Variants in SLC11A1 observed in about 807,000 individuals in gnomAD.
SLC11A1 encodes the protein solute carrier family 11 member 1.
In SLC11A1, 59 loss-of-function variants were observed where a neutral mutation model predicts 63.2. The observed-to-expected ratio is 0.93, with a 90% CI of 0.76 to 1.16. The LOEUF is 1.16. Ranked by LOEUF, SLC11A1 falls within the 50% of genes most tolerant of loss-of-function variation. The probability of loss-of-function intolerance (pLI) is 0.00; values close to 1 mark genes in which losing one functional copy is unlikely to be tolerated. For missense variants in SLC11A1, 688 were observed against 730.7 expected, an observed-to-expected ratio of 0.94 and a Z score of 0.67; for synonymous variants, 305 against 307.8, an observed-to-expected ratio of 0.99 and a Z score of 0.09.
chr2:218,382,485 C>A, intron 1 of SLC11A1, 110 bp downstream of exon 1: 2 of 1,188,832 alleles, frequency 1.7e-6, no homozygotes, highest in East Asian at 4.8e-5. Context: ...CCTGTGGAAG[C>A]CTCTGGTCCC....
chr2:218,394,120 C>T lies in SLC11A1; in HGVS notation c.1315C>T (p.Leu439Phe). The change falls in exon 13 of 15, where the codon CTC (leucine) becomes TTC (phenylalanine). Residue 439 changes from leucine to phenylalanine, a missense_variant and splice_region_variant. Leu to Phe is a conservative substitution (Grantham distance 22, BLOSUM62 0). Coordinates refer to ENST00000233202, the MANE Select transcript of SLC11A1 (RefSeq NM_000578.4). ...DLLNVLQSLL[L>F]PFAVLPILTF... ...CCTAGGCTCCTGCTGCTCTCCCCAG[C>T]TCCCGTTCGCCGTGCTGCCCATCCT... 1 of 1,614,082 alleles carries T rather than the reference C, an allele frequency of 6.2e-7. No individual in the cohort carries two copies. The highest frequency in any genetic ancestry group is 1.7e-4 in the Middle Eastern group (1 of 6,060).
intron 6 of SLC11A1, 33 bp from the exon 7 acceptor site, chr2:218,387,532 T>C: frequency 1.2e-6 from 2 of 1,609,952 alleles, no homozygotes; most frequent in Non-Finnish European, 1.7e-6. Context: ...TTTTTTTCGT[T>C]GGTTTGTTTA....
rs1334941433 is a variant in SLC11A1 at position 218,387,605 on chromosome 2, C to T, written c.612C>T (p.Thr204=). ...AAGCTTTTTTTGGACTCCTTATAACCATTATGGCCTTGACCTTTGGCTATG... is the reference window on the plus strand; with the variant it reads ...AAGCTTTTTTTGGACTCCTTATAACTATTATGGCCTTGACCTTTGGCTATG... The part of the protein sequence containing the change: ...KLEAFFGLLI[T]IMALTFGYEY... Residue 204 remains threonine (T), a synonymous_variant, in exon 7 of 15, where the codon ACC becomes ACT. Coordinates refer to ENST00000233202, the MANE Select transcript of SLC11A1 (RefSeq NM_000578.4). 1 of 1,614,076 alleles carries T rather than the reference C, an allele frequency of 6.2e-7. No homozygotes were observed. The highest frequency in any genetic ancestry group is 1.3e-5 in the African/African-American group (1 of 74,924).
At position 218,395,725 on chromosome 2, in the gene SLC11A1, A is replaced by AT. The variant is rs1696720995; in HGVS notation, c.*692dup. ...ATCTCCGTCTCCCAAAGTGCTGGGA[A>AT]TTACAGGCGTGAGCCACCAAACCCG... On this transcript the variant is annotated 3_prime_UTR_variant, in exon 15 of 15. Coordinates refer to ENST00000233202, the MANE Select transcript of SLC11A1 (RefSeq NM_000578.4). 1 of 152,282 alleles carries AT rather than the reference A, an allele frequency of 6.6e-6. No homozygotes were observed. The highest frequency in any genetic ancestry group is 1.5e-5 in the Non-Finnish European group (1 of 68,052). 9.4% of individuals were successfully genotyped at this position (152,282 alleles called of 1,614,324 possible).
Position 218,391,388 on chromosome 2 carries a change from G to A in SLC11A1, c.1057G>A (p.Gly353Ser). ...VDIYQGGVIL[G>S]CLFGPAALYI... ...CTCGTCCCTGCAGGGCGTGATCCTG[G>A]GCTGCCTGTTCGGCCCCGCGGCCCT... The change falls in exon 11 of 15, where the codon GGC becomes AGC. Residue 353 changes from glycine (G) to serine (S), a missense_variant. Gly to Ser is a moderately conservative substitution (Grantham distance 56). Transcript: ENST00000233202. 1.2e-6 allele frequency: 2 copies of A among 1,613,994 alleles called. No homozygotes were observed. Among genetic ancestry groups the A allele is most frequent in the Non-Finnish European group, 1.7e-6 (2 of 1,179,942 alleles).
intron 9 of SLC11A1, among the ~76,000 whole-genome samples, chr2:218,390,255 C>T (rs891042879): frequency 6.6e-6 from 1 of 151,932 alleles, no homozygotes; most frequent in African/African-American, 2.4e-5. Context: ...AGACCCAGCT[C>T]TCTGCAGCTT....
At chr2:218,390,896 A>T (rs754919934) in intron 9 of SLC11A1, among the ~76,000 whole-genome samples, 2 of 151,534 alleles carry the variant, frequency 1.3e-5, no homozygotes, top group Admixed American at 6.6e-5. Flanking sequence ...GAAAAAAAAA[A>T]CCCGGCCGGG....
rs1696767694 is a variant in SLC11A1, at chr2:218,396,376, C to T, written c.*1341C>T. The T allele has an allele frequency of 6.6e-6, 1 of 152,488 alleles. No homozygotes were observed. The allele number at this position is 152,488 out of a possible 1,614,324, so 9.4% of individuals were successfully genotyped here. A position where few individuals can be genotyped will look rare whatever the true frequency, so the allele number is the denominator to read the frequency against. On this transcript the variant is annotated 3_prime_UTR_variant, in exon 15 of 15. Transcript: ENST00000233202. Reference sequence around the variant, plus strand: ...CTCGTCGGGTCCCTCAGACCCCAGCCCAGGACCTGCGGAGGGCCGCAGCGA... The same window carrying T: ...CTCGTCGGGTCCCTCAGACCCCAGCTCAGGACCTGCGGAGGGCCGCAGCGA...
chr2:218,387,355 A>G, intron 6 of SLC11A1, 125 bp downstream of exon 6: 1 of 1,037,398 alleles, frequency 9.6e-7, no homozygotes, highest in Non-Finnish European at 1.4e-6. Flanking sequence ...GGTGGCCTCT[A>G]GCGAGTTACT....
At chr2:218,393,192 C>A in intron 12 of SLC11A1, 62 bp downstream of exon 12, 4 of 1,424,542 alleles carry the variant, frequency 2.8e-6, no homozygotes, top group Non-Finnish European at 3.7e-6. Flanking sequence ...CTCCAGCAAC[C>A]CCCACGCTGA....
chr2:218,394,016 G>C, intron 12 of SLC11A1, 104 bp from the exon 13 acceptor site: 1 of 1,116,806 alleles, frequency 9.0e-7, no homozygotes. Context: ...GGGCAGTTGA[G>C]CTCACACCCA....
At position 218,386,692 on chromosome 2, in the gene SLC11A1, C is replaced by G; in HGVS notation, c.451C>G (p.Gln151Glu). 6.2e-7 allele frequency: 1 copy of G among 1,614,176 alleles called. No individual in the cohort carries two copies. Among genetic ancestry groups the G allele is most frequent in the Non-Finnish European group, 8.5e-7 (1 of 1,180,016 alleles). ...IELAIVGSDM[Q>E]EVIGTAIAFN... ...GCTAGCCATTGTGGGCTCCGACATG[C>G]AGGAAGTCATCGGCACGGCCATTGC... is the stretch of plus-strand genomic sequence containing the variant. Residue 151 changes from glutamine to glutamate, a missense_variant, in exon 5 of 15, where the codon CAG becomes GAG. Gln to Glu is a conservative substitution (Grantham distance 29). Transcript: ENST00000233202.
At position 218,386,746 on chromosome 2, in the gene SLC11A1, C is replaced by T. The variant is rs1696128649; in HGVS notation, c.500+5C>T. 1 of 1,606,404 alleles carries T rather than the reference C, an allele frequency of 6.2e-7. No individual in the cohort carries two copies. Among genetic ancestry groups the T allele is most frequent in the African/African-American group, 1.3e-5 (1 of 74,898 alleles). Reference sequence around the variant, plus strand: ...CAATCTGCTCTCAGCTGGACGGTACCACCCCAGTGTACCCCAACTCTTCAG... The same window carrying T: ...CAATCTGCTCTCAGCTGGACGGTACTACCCCAGTGTACCCCAACTCTTCAG... On this transcript the variant is annotated splice_donor_5th_base_variant and intron_variant, in intron 5 of 14. Transcript: ENST00000233202.
At chr2:218,386,430 C>A (rs1025056298) in intron 4 of SLC11A1, among the ~76,000 whole-genome samples, 6 of 148,148 alleles carry the variant, frequency 4.1e-5, no homozygotes, top group African/African-American at 1.5e-4. Flanking sequence ...CCAGCCTGGG[C>A]AACAAGAGCA....
In SLC11A1 at chr2:218,389,873, C is replaced by G. The variant is rs773586633; in HGVS notation, c.799C>G (p.Arg267Gly). The G allele has an allele frequency of 7.5e-6, 12 of 1,608,500 alleles. No individual in the cohort carries two copies. Among genetic ancestry groups the G allele is most frequent in the African/African-American group, 4.0e-5 (3 of 74,784 alleles). The change falls in exon 9 of 15, where the codon CGA (arginine) becomes GGA (glycine). Residue 267 changes from arginine (R) to glycine (G), a missense_variant. By Grantham distance (125) the Arg-to-Gly change is moderately radical. Transcript: ENST00000233202. ...IYLHSALVKS[R>G]EIDRARRADI... ...CCTCTCCCTTTGATCTTCGTAGTCT[C>G]GAGAGATAGACCGGGCCCGCCGAGC...
chr2:218,387,358 G>A, intron 6 of SLC11A1, 128 bp downstream of exon 6: 1 of 1,013,470 alleles, frequency 9.9e-7, no homozygotes, highest in Non-Finnish European at 1.5e-6. Context: ...GGCCTCTAGC[G>A]AGTTACTTGG....
At chr2:218,389,791 A>G (rs1378262400) in intron 8 of SLC11A1, 79 bp from the exon 9 acceptor site, 1 of 1,464,348 alleles carries the variant, frequency 6.8e-7, no homozygotes, top group East Asian at 2.3e-5. Context: ...TTTGGGGAGA[A>G]CATAGAAGTG....
At chr2:218,389,104 A>AAATAATAATAAT (rs138562502) in intron 8 of SLC11A1, among the ~76,000 whole-genome samples, 501 of 147,692 alleles carry the variant, frequency 3.4e-3, no homozygotes, top group South Asian at 7.7e-3. Flanking sequence ...GACCCTGTCA[A>AAATAATAATAAT]AATAATAATA....
chr2:218,387,708 C>A lies in SLC11A1; in HGVS notation c.639+76C>A, dbSNP rs17215563. ...CTCCCTTCCCTCTGGCCGCGGGCTG[C>A]GGGGGGCTGGGGTGGGATGGAGGCT... On this transcript the variant is annotated intron_variant, in intron 7 of 14. Transcript: ENST00000233202. The A allele has an allele frequency of 3.7e-4, 595 of 1,610,894 alleles. 3 individuals are homozygous for A. In the African/African-American group the frequency reaches 6.9e-3, roughly 19 times the overall value.
Sources: gnomAD v4.1 joint callset for allele counts (sites outside exome capture counted in the v4.1 genomes callset) on GRCh38, gnomAD v4.1.1 for gene constraint, MANE v1.5 for transcripts, NCBI Gene and HGNC (gene_info 2026-07-23, HGNC 2026-07-21) for gene names.